Variants in MMP26 observed in about 807,000 individuals in gnomAD.
MMP26 encodes matrix metallopeptidase 26, also known as matrix metalloproteinase-26.
A neutral mutation model predicts 31.0 loss-of-function variants in MMP26; 33 were observed. The observed-to-expected ratio is 1.06, with a 90% CI of 0.81 to 1.42. The LOEUF is 1.42. MMP26 is among the 40% of genes most tolerant of loss of function. MMP26 has a pLI of 0.00. For synonymous variants in MMP26, 122 were observed against 114.9 expected (o/e 1.06, Z -0.40); for missense variants, 347 against 316.1 (o/e 1.10, Z -0.74).
chr11:4,852,307 A>G (rs1036370789), intron 2 of MMP26, among the ~76,000 whole-genome samples: 9 of 152,140 alleles, frequency 5.9e-5, no homozygotes, highest in African/African-American at 2.2e-4. Context: ...TGAAAAAAAT[A>G]CACAAGGAAA....
At chr11:4,822,075 C>T (rs867720989) in intron 2 of MMP26, 1 of 1,613,800 alleles carries the variant, frequency 6.2e-7, no homozygotes, top group Non-Finnish European at 8.5e-7. Flanking sequence ...GCATCCTGCT[C>T]TCCTATATCC....
chr11:4,721,298 A>T (rs969357316), intron 1 of MMP26, among the ~76,000 whole-genome samples: 1 of 152,212 alleles, frequency 6.6e-6, no homozygotes, highest in Non-Finnish European at 1.5e-5. Context: ...ACTAATAACT[A>T]CAGCCAGCTA....
chr11:4,709,673 T>C (rs572493970), intron 1 of MMP26: 1 of 457,988 alleles, frequency 2.2e-6, no homozygotes, highest in African/African-American at 2.0e-5. Context: ...CATTCTGTTG[T>C]CTCTATGTCA....
At chr11:4,769,311 T>C in intron 2 of MMP26, 12 of 1,613,546 alleles carry the variant, frequency 7.4e-6, no homozygotes, top group Non-Finnish European at 1.0e-5. Flanking sequence ...ATGAGATCAA[T>C]TAATCCACAG....
rs557546673 is a variant in MMP26 at position 4,939,962 on chromosome 11, G to A, written c.-144-48106G>A. ...ATGTCAATAGACTGTGGCCATTTGT[G>A]TTCTGGCATTTGTCTCACCATTGTC... On this transcript the variant is annotated intron_variant, in intron 2 of 7. Transcript: ENST00000380390. Among the ~76,000 whole-genome samples, 10 of 152,160 alleles carry A rather than the reference G, an allele frequency of 6.6e-5. No homozygotes were observed. The East Asian group carries it at 7.7e-4, about 12-fold the overall frequency.
chr11:4,926,762 G>A (rs1380302567), intron 2 of MMP26, among the ~76,000 whole-genome samples: 1 of 152,022 alleles, frequency 6.6e-6, no homozygotes, highest in Admixed American at 6.6e-5. Context: ...TATAAGGTAT[G>A]AGGAAAAAAA....
chr11:4,802,146 AATC>A (rs1246229848), intron 2 of MMP26, among the ~76,000 whole-genome samples: 2 of 152,234 alleles, frequency 1.3e-5, no homozygotes, highest in African/African-American at 4.8e-5. Flanking sequence ...GTTTACTTAC[AATC>A]ATGATAGAGT....
At chr11:4,750,733 C>T (rs1390812227) in intron 1 of MMP26, among the ~76,000 whole-genome samples, 3 of 151,738 alleles carry the variant, frequency 2.0e-5, no homozygotes, top group African/African-American at 4.8e-5. Context: ...CACATATGGC[C>T]GTTTAGAGTG....
At position 4,915,171 on chromosome 11, in the gene MMP26, G is replaced by T. The variant is rs61747513; in HGVS notation, c.-144-72897G>T. The T allele has an allele frequency of 6.2e-7, 1 of 1,614,004 alleles. No individual in the cohort carries two copies. The highest frequency in any genetic ancestry group is 1.1e-5 in the South Asian group (1 of 91,080). ...TAGGGGAATCTTTTGAGCATAAAAGGTAATGGAAAAATGAGTGCTACACTA... is the reference window on the plus strand; with the variant it reads ...TAGGGGAATCTTTTGAGCATAAAAGTTAATGGAAAAATGAGTGCTACACTA... On this transcript the variant is annotated intron_variant, in intron 2 of 7. Transcript: ENST00000380390.
intron 2 of MMP26, among the ~76,000 whole-genome samples, chr11:4,929,133 G>A (rs1851311637): frequency 1.3e-5 from 2 of 152,062 alleles, no homozygotes; most frequent in African/African-American, 4.8e-5. Flanking sequence ...CCAAAAATAT[G>A]TGCAGCAGAG....
At chr11:4,941,756 G>GAAAT (rs1260564135) in intron 2 of MMP26, among the ~76,000 whole-genome samples, 33 of 41,214 alleles carry the variant, frequency 8.0e-4, no homozygotes, top group African/African-American at 2.2e-3. Context: ...GGAAAAAATA[G>GAAAT]AAATAAGCAA....
intron 2 of MMP26, chr11:4,882,138 T>C (rs979936942): frequency 1.9e-6 from 3 of 1,613,968 alleles, no homozygotes; most frequent in Non-Finnish European, 2.5e-6. Flanking sequence ...ATTACGACCC[T>C]TCCCACTGTG....
At chr11:4,728,270 A>T (rs1229220163) in intron 1 of MMP26, among the ~76,000 whole-genome samples, 5 of 152,238 alleles carry the variant, frequency 3.3e-5, no homozygotes, top group African/African-American at 1.2e-4. Context: ...AAACTTACAC[A>T]TATTAATCTT....
chr11:4,927,055 G>C (rs1851283245), intron 2 of MMP26, among the ~76,000 whole-genome samples: 3 of 152,104 alleles, frequency 2.0e-5, no homozygotes, highest in African/African-American at 7.2e-5. Context: ...AGACACCACT[G>C]TCCTTTCAGC....
At chr11:4,724,023 C>T (rs1848061034) in intron 1 of MMP26, 3 of 684,626 alleles carry the variant, frequency 4.4e-6, no homozygotes, top group Non-Finnish European at 7.9e-6. Context: ...AACCTCCACC[C>T]AGGCTACCCC....
chr11:4,758,422 G>C (rs546231147), intron 1 of MMP26, among the ~76,000 whole-genome samples: 1 of 143,240 alleles, frequency 7.0e-6, no homozygotes, highest in African/African-American at 2.6e-5. Context: ...AATAAAGTGA[G>C]CTATATAGAA....
chr11:4,942,461 T>A (rs1309578127), intron 2 of MMP26, among the ~76,000 whole-genome samples: 1 of 152,102 alleles, frequency 6.6e-6, no homozygotes, highest in African/African-American at 2.4e-5. Context: ...GAGAGAATGT[T>A]TTAATATTTT....
At chr11:4,772,453 C>T (rs987178842) in intron 2 of MMP26, among the ~76,000 whole-genome samples, 3 of 152,084 alleles carry the variant, frequency 2.0e-5, no homozygotes, top group African/African-American at 7.2e-5. Context: ...CCACATTGAA[C>T]CATAGGGAGA....
intron 2 of MMP26, among the ~76,000 whole-genome samples, chr11:4,933,670 C>T (rs1234580907): frequency 6.7e-6 from 1 of 150,188 alleles, no homozygotes; most frequent in East Asian, 2.0e-4. Flanking sequence ...TGCGCTGCAC[C>T]CACTAACTCG....
Sources: allele counts gnomAD v4.1 joint callset (sites outside exome capture counted in the v4.1 genomes callset), GRCh38; gene constraint gnomAD v4.1.1; transcripts MANE v1.5; gene names NCBI Gene and HGNC (gene_info 2026-07-23, HGNC 2026-07-21).